ENOX2: variants seen among roughly 807,000 people sequenced by gnomAD.
ENOX2 encodes the protein APK1 antigen.
A neutral mutation model predicts 45.0 loss-of-function variants in ENOX2; 36 were observed. The ratio of observed to expected loss-of-function variants is 0.80; its 90% CI spans 0.61 to 1.06. The LOEUF (loss-of-function observed/expected upper bound fraction) is 1.06, where lower values mean the gene tolerates loss of function less well. ENOX2 is among the 50% of genes least tolerant of loss of function. The pLI, the probability that ENOX2 is intolerant of heterozygous loss-of-function variation, is 0.00. For synonymous variants in ENOX2, 174 were observed against 152.3 expected (o/e 1.14, Z -1.05); for missense variants, 423 against 462.5 (o/e 0.91, Z 0.78).
At chrX:130,668,081 G>C (rs1013844506) in intron 7 of ENOX2, among the ~76,000 whole-genome samples, 1 of 109,449 alleles carries the variant, frequency 9.1e-6, no homozygotes, top group African/African-American at 3.3e-5. Flanking sequence ...GTGTGTGAGA[G>C]AGAGAGAGAG....
chrX:130,862,261 T>C (rs2078420986), intron 2 of ENOX2, among the ~76,000 whole-genome samples: 1 of 111,306 alleles, frequency 9.0e-6, no homozygotes, highest in Non-Finnish European at 1.9e-5. Context: ...CCCTAGTTCC[T>C]TGAACAATCC....
At chrX:130,824,498 G>A (rs990381372) in intron 2 of ENOX2, among the ~76,000 whole-genome samples, 5 of 111,802 alleles carry the variant, frequency 4.5e-5, no homozygotes, top group African/African-American at 1.6e-4. Context: ...ATTCCAGGTT[G>A]TGTGAGAATG....
At position 130,744,086 on chromosome X, in the gene ENOX2, G is replaced by T. The variant is rs192222258; in HGVS notation, c.-39+39461C>A. Among the ~76,000 whole-genome samples the T allele has an allele frequency of 3.8e-3, 424 of 111,967 alleles. 2 individuals are homozygous for T. Among genetic ancestry groups the T allele is most frequent in the African/African-American group, 0.013 (409 of 30,797 alleles). ...TCATGGAATCCCCATAAGAACTCTG[G>T]AAGGGCCATGGACAGGGGAATGGCT... On this transcript the variant is annotated intron_variant, in intron 3 of 14. Coordinates refer to ENST00000394363, the MANE Select transcript of ENOX2 (RefSeq NM_006375.4).
chrX:130,745,024 C>T (rs1036119358), intron 3 of ENOX2, among the ~76,000 whole-genome samples: 5 of 111,418 alleles, frequency 4.5e-5, no homozygotes, highest in Admixed American at 9.5e-5. Flanking sequence ...AGTTTCATCC[C>T]GAGACCATAC....
At chrX:130,655,163 G>C (rs576446277) in intron 10 of ENOX2, among the ~76,000 whole-genome samples, 1 of 112,199 alleles carries the variant, frequency 8.9e-6, no homozygotes, top group East Asian at 2.8e-4. Context: ...TTGGCTATAA[G>C]TTTACAGTAT....
At chrX:130,671,701 C>A (rs2036995733) in intron 6 of ENOX2, among the ~76,000 whole-genome samples, 1 of 111,650 alleles carries the variant, frequency 9.0e-6, no homozygotes, top group Non-Finnish European at 1.9e-5. Flanking sequence ...CCAGCCAGAG[C>A]AGAAAAACTC....
In ENOX2 at chrX:130,679,623, C is replaced by A. The variant is rs749253687; in HGVS notation, c.379G>T (p.Ala127Ser). The change falls in exon 6 of 15, where the codon GCC becomes TCC. Residue 127 changes from alanine to serine, a missense_variant. Around this residue, in one of 5 missense-constraint regions of ENOX2, gnomAD observed 261 missense variants for 306.8 expected, o/e 0.85. Transcript: ENST00000394363. ...EVFEQCGEII[A>S]IRKSKKNFCH... ...AAGTTCTTCTTGCTCTTGCGAATGG[C>A]AATGATCTCTCCACACTGCTCGAAA... 4 of 1,208,887 alleles carry A rather than the reference C, an allele frequency of 3.3e-6. No individual in the cohort carries two copies.
At chrX:130,746,818 G>A (rs2039106877) in intron 3 of ENOX2, among the ~76,000 whole-genome samples, 1 of 112,073 alleles carries the variant, frequency 8.9e-6, no homozygotes, top group Non-Finnish European at 1.9e-5. Context: ...GGGTGGCTGT[G>A]TCTGTGTGTC....
At chrX:130,901,767 T>C (rs1205626143) in intron 1 of ENOX2, 36 bp from the exon 2 acceptor site, 3 of 112,370 alleles carry the variant, frequency 2.7e-5, no homozygotes, top group Non-Finnish European at 5.6e-5. Flanking sequence ...ATCTTAATTT[T>C]TGCCTTCAAT....
chrX:130,673,898 G>A (rs1010773299), intron 6 of ENOX2, among the ~76,000 whole-genome samples: 4 of 112,221 alleles, frequency 3.6e-5, no homozygotes, highest in African/African-American at 6.5e-5. Context: ...TATCCAATGT[G>A]AAGGAAAAAA....
intron 2 of ENOX2, among the ~76,000 whole-genome samples, chrX:130,792,680 C>T (rs758261615): frequency 9.0e-6 from 1 of 111,522 alleles, no homozygotes; most frequent in Non-Finnish European, 1.9e-5. Context: ...GTAATCCCAG[C>T]TACTCAGGAG....
rs2038393572 is a variant in ENOX2 at position 130,718,746 on chromosome X, T to A, written c.-38-15492A>T. Among the ~76,000 whole-genome samples, 3 of 111,350 alleles carry A rather than the reference T, an allele frequency of 2.7e-5. No homozygotes were observed. In the Admixed American group the frequency reaches 2.8e-4, roughly 11 times the overall value. On this transcript the variant is annotated intron_variant, in intron 3 of 14. Coordinates refer to ENST00000394363, the MANE Select transcript of ENOX2 (RefSeq NM_006375.4). ...GATAAAATTAAACCTTCTTTTCCGA[T>A]GCTTTATTACTGGTCCATGTGGAAG... is the stretch of plus-strand genomic sequence containing the variant.
At chrX:130,868,519 G>A (rs967228853) in intron 2 of ENOX2, among the ~76,000 whole-genome samples, 2 of 111,748 alleles carry the variant, frequency 1.8e-5, no homozygotes, top group African/African-American at 6.5e-5. Flanking sequence ...AGCCCCCGGT[G>A]TTCATGGACC....
At chrX:130,785,325 CA>C (rs1204555333) in intron 2 of ENOX2, among the ~76,000 whole-genome samples, 458 of 44,093 alleles carry the variant, frequency 0.01, 3 homozygotes, top group African/African-American at 0.026. Flanking sequence ...AACTCCATCT[CA>C]AAAAAAAAAA....
intron 3 of ENOX2, among the ~76,000 whole-genome samples, chrX:130,734,010 CAGA>C (rs1171774671): frequency 8.9e-6 from 1 of 112,187 alleles, no homozygotes; most frequent in East Asian, 2.8e-4. Context: ...TGTGGATAGA[CAGA>C]AGGAGCAGAC....
At chrX:130,785,556 G>A (rs940018303) in intron 2 of ENOX2, among the ~76,000 whole-genome samples, 2 of 110,938 alleles carry the variant, frequency 1.8e-5, no homozygotes, top group Admixed American at 9.6e-5. Flanking sequence ...ACTGTTCACT[G>A]CATCATATAC....
Position 130,670,006 on chromosome X carries a change from T to C in ENOX2, c.653A>G (p.Tyr218Cys), listed in dbSNP as rs1196768568. 2 of 1,209,515 alleles carry C rather than the reference T, an allele frequency of 1.7e-6. No individual in the cohort carries two copies. The highest frequency in any genetic ancestry group is 3.5e-5 in the African/African-American group (2 of 57,337). The change falls in exon 7 of 15, where the codon TAT becomes TGT. Residue 218 changes from tyrosine to cysteine, a missense_variant. By Grantham distance (194) the Tyr-to-Cys change is radical. Coordinates refer to ENST00000394363, the MANE Select transcript of ENOX2 (RefSeq NM_006375.4). Reference protein sequence around the residue: ...RPPSPPPVVHYSDHECSIVAE... With the variant: ...RPPSPPPVVHCSDHECSIVAE... Reference sequence around the variant, plus strand: ...AACAATGCTGCATTCATGATCTGAATAGTGGACCACTGGGGGTGGAGATGG... The same window carrying C: ...AACAATGCTGCATTCATGATCTGAACAGTGGACCACTGGGGGTGGAGATGG...
chrX:130,671,889 A>G (rs181295039), intron 6 of ENOX2, among the ~76,000 whole-genome samples: 1 of 112,445 alleles, frequency 8.9e-6, no homozygotes, highest in East Asian at 2.8e-4. Flanking sequence ...TAGAAATAAA[A>G]ATATGCCACC....
chrX:130,763,472 T>C (rs1603342486), intron 3 of ENOX2, among the ~76,000 whole-genome samples: 1 of 110,847 alleles, frequency 9.0e-6, no homozygotes, highest in Non-Finnish European at 1.9e-5. Flanking sequence ...CCTTCATAAC[T>C]GTTAACTGTC....
Sources: gnomAD v4.1 joint callset for allele counts (sites outside exome capture counted in the v4.1 genomes callset) on GRCh38, gnomAD v4.1.1 for gene constraint, gnomAD v4.1.1 regional missense constraint, MANE v1.5 for transcripts, NCBI Gene and HGNC (gene_info 2026-07-23, HGNC 2026-07-21) for gene names.